The following MAP7 variants were observed in gnomAD, a reference collection of about 807,000 sequenced individuals.
The protein encoded by MAP7 is microtubule associated protein 7.
A neutral mutation model predicts 94.8 loss-of-function variants in MAP7; 52 were observed. That is an observed-to-expected ratio of 0.55 (90% CI 0.44 to 0.69). The LOEUF (loss-of-function observed/expected upper bound fraction) is 0.69, where lower values mean the gene tolerates loss of function less well. Among genes scored for constraint, MAP7 ranks in the 30% least tolerant of loss-of-function variants. MAP7 has a pLI of 0.00. For synonymous variants in MAP7, 350 were observed against 357.0 expected, an observed-to-expected ratio of 0.98 and a Z score of 0.22; for missense variants, 940 against 964.6, an observed-to-expected ratio of 0.97 and a Z score of 0.34.
Position 136,342,937 on chromosome 6 carries a change from C to A in MAP7, c.*1291G>T, listed in dbSNP as rs972347747. ...TATGCCTGGATTAAAAAAAATAGTC[C>A]AATAGATGAAGTCTCTCATTCAACC... On this transcript the variant is annotated 3_prime_UTR_variant, in exon 18 of 18. Coordinates refer to ENST00000354570, the MANE Select transcript of MAP7 (RefSeq NM_003980.6). 6.6e-6 allele frequency: 1 copy of A among 152,022 alleles called. No homozygotes were observed. The highest frequency in any genetic ancestry group is 1.5e-5 in the Non-Finnish European group (1 of 68,008). The allele number at this position is 152,022 out of a possible 1,614,324, so 9.4% of individuals were successfully genotyped here. A position where few individuals can be genotyped will look rare whatever the true frequency, so the allele number is the denominator to read the frequency against.
At chr6:136,537,536 C>G (rs1185794475) in intron 1 of MAP7, among the ~76,000 whole-genome samples, 1 of 152,168 alleles carries the variant, frequency 6.6e-6, no homozygotes, top group East Asian at 1.9e-4. Context: ...GGCATCTTCA[C>G]CAGGATATTG....
intron 3 of MAP7, among the ~76,000 whole-genome samples, chr6:136,405,005 T>G (rs906914043): frequency 6.6e-6 from 1 of 152,244 alleles, no homozygotes; most frequent in African/African-American, 2.4e-5. Context: ...TCTGTATTCT[T>G]GTTCACCTGA....
intron 8 of MAP7, among the ~76,000 whole-genome samples, chr6:136,366,854 T>G (rs541026145): frequency 6.6e-6 from 1 of 152,248 alleles, no homozygotes; most frequent in South Asian, 2.1e-4. Context: ...TCTTCAACAT[T>G]TTCCCCCCAA....
intron 1 of MAP7, among the ~76,000 whole-genome samples, chr6:136,482,901 C>G (rs1206795760): frequency 6.6e-6 from 1 of 152,014 alleles, no homozygotes; most frequent in Admixed American, 6.6e-5. Flanking sequence ...AATATATATT[C>G]CATTTTGCTG....
intron 7 of MAP7, 36 bp downstream of exon 7, chr6:136,377,719 G>T: frequency 1.3e-6 from 2 of 1,494,076 alleles, no homozygotes; most frequent in South Asian, 1.1e-5. Flanking sequence ...GGGAGGACTT[G>T]ACCTCATGGG....
chr6:136,385,811 G>A (rs1779042169), intron 5 of MAP7, among the ~76,000 whole-genome samples: 1 of 152,104 alleles, frequency 6.6e-6, no homozygotes, highest in Non-Finnish European at 1.5e-5. Flanking sequence ...CATTCTGCCA[G>A]CCAGGCTGGA....
intron 2 of MAP7, among the ~76,000 whole-genome samples, chr6:136,418,507 C>T (rs1562378269): frequency 6.6e-6 from 1 of 152,256 alleles, no homozygotes; most frequent in East Asian, 1.9e-4. Context: ...GAGCCACCGG[C>T]GCCTGGCCAG....
chr6:136,522,320 G>T lies in MAP7; in HGVS notation c.67+28022C>A, dbSNP rs1234148978. 3.9e-5 allele frequency among the ~76,000 whole-genome samples: 6 copies of T among 151,934 alleles called. No homozygotes were observed. In the South Asian group the frequency reaches 6.3e-4, roughly 16 times the overall value. On this transcript the variant is annotated intron_variant, in intron 1 of 17. Transcript: ENST00000354570. ...GTATGTAAAACATTACACTCCTACC[G>T]ATTACATGGAAGAGTAATCACTCCT... is the stretch of plus-strand genomic sequence containing the variant.
chr6:136,536,250 TTTTTTTC>T (rs1376412428), intron 1 of MAP7, among the ~76,000 whole-genome samples: 1 of 152,172 alleles, frequency 6.6e-6, no homozygotes, highest in Non-Finnish European at 1.5e-5. Flanking sequence ...TTGTTTTTTG[TTTTTTTC>T]CATAAATACG....
intron 1 of MAP7, among the ~76,000 whole-genome samples, chr6:136,514,713 T>C (rs1225215686): frequency 6.6e-6 from 1 of 152,072 alleles, no homozygotes; most frequent in Admixed American, 6.5e-5. Context: ...GCAGTGGGTC[T>C]CAATAGCGGG....
intron 1 of MAP7, among the ~76,000 whole-genome samples, chr6:136,449,076 A>G (rs1800261536): frequency 6.6e-6 from 1 of 151,372 alleles, no homozygotes; most frequent in Non-Finnish European, 1.5e-5. Context: ...TGGGAGGCCG[A>G]GGCGGGCGGA....
At chr6:136,417,664 T>G (rs560788378) in intron 2 of MAP7, among the ~76,000 whole-genome samples, 5 of 152,266 alleles carry the variant, frequency 3.3e-5, no homozygotes, top group Admixed American at 1.3e-4. Flanking sequence ...GAAATAGATA[T>G]GACTAATGAA....
At chr6:136,422,373 G>A (rs1039228218) in intron 1 of MAP7, among the ~76,000 whole-genome samples, 10 of 152,080 alleles carry the variant, frequency 6.6e-5, no homozygotes, top group Admixed American at 2.0e-4. Flanking sequence ...TTTTGGGGGT[G>A]GGGTGCTGGA....
At chr6:136,505,113 C>T (rs915823052) in intron 1 of MAP7, among the ~76,000 whole-genome samples, 6 of 150,674 alleles carry the variant, frequency 4.0e-5, no homozygotes, top group Non-Finnish European at 7.4e-5. Flanking sequence ...GCCAAACAGA[C>T]GATAAAATAA....
At chr6:136,530,632 C>G (rs1158377711) in intron 1 of MAP7, among the ~76,000 whole-genome samples, 1 of 124,944 alleles carries the variant, frequency 8.0e-6, no homozygotes, top group Non-Finnish European at 1.5e-5. Flanking sequence ...TAGAATTATG[C>G]CACTTACTGA....
chr6:136,463,983 A>G (rs1014580745), intron 1 of MAP7, among the ~76,000 whole-genome samples: 3 of 152,150 alleles, frequency 2.0e-5, no homozygotes, highest in African/African-American at 7.2e-5. Flanking sequence ...GCCATACCAC[A>G]TGACCTTCAT....
At chr6:136,400,276 C>T (rs1453086846) in intron 3 of MAP7, among the ~76,000 whole-genome samples, 1 of 151,818 alleles carries the variant, frequency 6.6e-6, no homozygotes, top group African/African-American at 2.4e-5. Flanking sequence ...ATTAGCCAGG[C>T]GTGGTGGTGG....
chr6:136,547,837 A>T (rs974567307), intron 1 of MAP7, among the ~76,000 whole-genome samples: 1 of 151,996 alleles, frequency 6.6e-6, no homozygotes, highest in African/African-American at 2.4e-5. Flanking sequence ...ACACACACAC[A>T]CTCACACATA....
chr6:136,443,756 T>C (rs918063160), intron 1 of MAP7, among the ~76,000 whole-genome samples: 6 of 152,064 alleles, frequency 3.9e-5, no homozygotes, highest in Non-Finnish European at 8.8e-5. Flanking sequence ...GGCCCCCTTC[T>C]ACTTTCGTAA....
Sources: gnomAD v4.1 joint callset for allele counts (sites outside exome capture counted in the v4.1 genomes callset) on GRCh38, gnomAD v4.1.1 for gene constraint, MANE v1.5 for transcripts, NCBI Gene and HGNC (gene_info 2026-07-23, HGNC 2026-07-21) for gene names.